CATIP: variants seen among roughly 807,000 people sequenced by gnomAD.
CATIP encodes ciliogenesis associated TTC17 interacting protein.
CATIP carries 40 observed loss-of-function variants against 42.5 expected under a neutral mutation model. That is an observed-to-expected ratio of 0.94 (90% CI 0.73 to 1.22). The LOEUF is 1.22. Among genes scored for constraint, CATIP ranks in the 50% most tolerant of loss-of-function variants. The pLI, the probability that CATIP is intolerant of heterozygous loss-of-function variation, is 0.00. For missense variants in CATIP, 489 were observed against 496.0 expected (o/e 0.99, Z 0.13); for synonymous variants, 222 against 200.2 (o/e 1.11, Z -0.92).
In CATIP at chr2:218,367,736, C is replaced by T. The variant is rs746533136; in HGVS notation, c.936C>T (p.Leu312=). 5.0e-6 allele frequency: 8 copies of T among 1,600,838 alleles called. No homozygotes were observed. The Admixed American group carries it at 1.0e-4, about 20-fold the overall frequency. ...KFLDRKEELR[L]GHASYLRQHP... The stretch of plus-strand genomic sequence containing the variant: ...TCCCCTGCCAGGAGGAGCTCCGGCT[C>T]GGCCACGCCAGCTATCTGCGGCAGC... The change falls in exon 10 of 10, where the codon CTC becomes CTT. Residue 312 remains leucine (L), a synonymous_variant. Transcript: ENST00000289388.
Position 218,367,475 on chromosome 2 carries a change from G to A in CATIP, c.878G>A (p.Trp293Ter). 1 of 1,614,212 alleles carries A rather than the reference G, an allele frequency of 6.2e-7. No individual in the cohort carries two copies. The highest frequency in any genetic ancestry group is 8.5e-7 in the Non-Finnish European group (1 of 1,180,036). Reference protein sequence around the residue: ...RPVFEKKPLVWEEDMELYSKF... With the variant: ...RPVFEKKPLV ...GTGTTTGAGAAGAAGCCCCTGGTAT[G>A]GGAGGAGGATATGGAGCTCTATTCG... Residue 293 changes from tryptophan to a stop codon, truncating the protein, a stop_gained, in exon 9 of 10, where the codon TGG (tryptophan) becomes TAG (stop). Coordinates refer to ENST00000289388, the MANE Select transcript of CATIP (RefSeq NM_198559.2). LOFTEE classifies it low-confidence loss of function (END_TRUNC).
Position 218,362,865 on chromosome 2 carries a change from C to A in CATIP, c.593C>A (p.Thr198Asn). The A allele has an allele frequency of 6.2e-7, 1 of 1,613,900 alleles. No homozygotes were observed. ...RMVPSNARFLTLDTEGKLCYL... is the reference protein window; with the variant it reads ...RMVPSNARFLNLDTEGKLCYL... The stretch of plus-strand genomic sequence containing the variant: ...GTGCCCAGCAATGCCCGCTTCCTGA[C>A]CTTGGACACCGAGGGCAAACTCTGC... Residue 198 changes from threonine to asparagine, a missense_variant, in exon 6 of 10, where the codon ACC becomes AAC. By Grantham distance (65) the Thr-to-Asn change is moderately conservative. Transcript: ENST00000289388.
At chr2:218,361,467 T>C (rs2106312761) in intron 5 of CATIP, among the ~76,000 whole-genome samples, 1 of 152,188 alleles carries the variant, frequency 6.6e-6, no homozygotes, top group South Asian at 2.1e-4. Context: ...ATAAGAGACA[T>C]GCTTTTAAGT....
intron 7 of CATIP, 37 bp from the exon 8 acceptor site, chr2:218,366,987 G>A: frequency 6.5e-7 from 1 of 1,538,412 alleles, no homozygotes; most frequent in Non-Finnish European, 9.0e-7. Flanking sequence ...GGCGGTCTGG[G>A]AAGATTCTCA....
In CATIP at chr2:218,362,019, GA is replaced by G. The variant is rs11380257; in HGVS notation, c.463-704del. 2.2e-3 allele frequency among the ~76,000 whole-genome samples: 328 copies of G among 145,864 alleles called. 4 individuals are homozygous for G. The East Asian group carries it at 0.046, about 21-fold the overall frequency. On this transcript the variant is annotated intron_variant, in intron 5 of 9. Transcript: ENST00000289388. ...GCGAGACCCCGTTCTCCAGAAAAAG[GA>G]AAAAAAAAAAAGACAAGGATTCATT...
chr2:218,361,208 C>T (rs1031364069), intron 5 of CATIP, among the ~76,000 whole-genome samples: 5 of 151,854 alleles, frequency 3.3e-5, no homozygotes, highest in African/African-American at 7.3e-5. Flanking sequence ...GTTCACCAGA[C>T]GTAAAAATAC....
At chr2:218,362,948 G>C (rs1249867051) in intron 6 of CATIP, 46 bp downstream of exon 6, 1 of 1,547,092 alleles carries the variant, frequency 6.5e-7, no homozygotes, top group South Asian at 1.2e-5. Context: ...GAGCGAACTA[G>C]AAAAGGCGTG....
chr2:218,357,359 C>A, intron 2 of CATIP, 172 bp downstream of exon 2: 1 of 709,122 alleles, frequency 1.4e-6, no homozygotes. Context: ...GGGAAGGCCC[C>A]CCGGGGACAT....
In CATIP at chr2:218,362,999, G is replaced by T. The variant is rs1425806627; in HGVS notation, c.630+97G>T. On this transcript the variant is annotated intron_variant, in intron 6 of 9. Coordinates refer to ENST00000289388, the MANE Select transcript of CATIP (RefSeq NM_198559.2). Reference sequence around the variant, plus strand: ...GGGAACAGCTGTGGAGTAGAAAAGGGAGGCAGGTGGGGAGAAAACAGCACA... The same window carrying T: ...GGGAACAGCTGTGGAGTAGAAAAGGTAGGCAGGTGGGGAGAAAACAGCACA... The T allele has an allele frequency of 9.5e-6, 12 of 1,260,060 alleles. No individual in the cohort carries two copies. The East Asian group carries it at 1.3e-4, about 13-fold the overall frequency. The allele number at this position is 1,260,060 out of a possible 1,614,324, so 78.1% of individuals were successfully genotyped here.
chr2:218,362,927 A>T, intron 6 of CATIP, 25 bp downstream of exon 6: 2 of 1,594,730 alleles, frequency 1.3e-6, no homozygotes, highest in Non-Finnish European at 1.7e-6. Context: ...TGGGCAGGGG[A>T]CTTGGCTTGG....
chr2:218,362,672 C>G, intron 5 of CATIP, 63 bp from the exon 6 acceptor site: 1 of 1,515,410 alleles, frequency 6.6e-7, no homozygotes. Context: ...CCTGGCTTGC[C>G]CACCCTCCTG....
At chr2:218,363,856 G>T (rs1012441394) in intron 6 of CATIP, among the ~76,000 whole-genome samples, 1 of 152,132 alleles carries the variant, frequency 6.6e-6, no homozygotes. Flanking sequence ...TTTAGGAAGT[G>T]TAACATGTCC....
chr2:218,362,932 G>C (rs1227063573), intron 6 of CATIP, 30 bp downstream of exon 6: 10 of 1,587,860 alleles, frequency 6.3e-6, no homozygotes, highest in Non-Finnish European at 7.7e-6. Context: ...AGGGGACTTG[G>C]CTTGGGAGCG....
rs756649021 is a variant in CATIP, at chr2:218,367,929, G to C, written c.1129G>C (p.Glu377Gln). 5 of 1,605,602 alleles carry C rather than the reference G, an allele frequency of 3.1e-6. No individual in the cohort carries two copies. Among genetic ancestry groups the C allele is most frequent in the Non-Finnish European group, 2.5e-6 (3 of 1,177,878 alleles). Residue 377 changes from glutamate to glutamine, a missense_variant, in exon 10 of 10, where the codon GAG becomes CAG. By Grantham distance (29) the Glu-to-Gln change is conservative. Coordinates refer to ENST00000289388, the MANE Select transcript of CATIP (RefSeq NM_198559.2). Reference protein sequence around the residue: ...SHRPNPFRSLEPEGDARSGAA With the variant: ...SHRPNPFRSLQPEGDARSGAA Reference sequence around the variant, plus strand: ...CCGGCCCAACCCTTTCCGCTCCCTGGAGCCGGAGGGAGACGCCCGCTCGGG... The same window carrying C: ...CCGGCCCAACCCTTTCCGCTCCCTGCAGCCGGAGGGAGACGCCCGCTCGGG...
chr2:218,360,310 C>A (rs1695189378), intron 4 of CATIP, among the ~76,000 whole-genome samples: 2 of 152,048 alleles, frequency 1.3e-5, no homozygotes, highest in South Asian at 2.1e-4. Context: ...TGCCACCACA[C>A]CCAGCTAATT....
At chr2:218,367,161 C>A (rs1199166686) in intron 8 of CATIP, 61 bp downstream of exon 8, 3 of 1,328,418 alleles carry the variant, frequency 2.3e-6, no homozygotes, top group South Asian at 1.2e-5. Flanking sequence ...GAAACCTGGG[C>A]CTTCCAGGAT....
intron 6 of CATIP, among the ~76,000 whole-genome samples, chr2:218,364,367 C>A (rs141416862): frequency 2.6e-5 from 4 of 152,044 alleles, no homozygotes; most frequent in Non-Finnish European, 4.4e-5. Flanking sequence ...CACACCCCCC[C>A]GCATACCGCT....
intron 5 of CATIP, 144 bp from the exon 6 acceptor site, chr2:218,362,591 C>T (rs1695273944): frequency 1.5e-6 from 1 of 688,816 alleles, no homozygotes; most frequent in Non-Finnish European, 2.4e-6. Context: ...GAGACCACGC[C>T]ATTGCACTCC....
At chr2:218,365,860 G>C (rs1258050448) in intron 7 of CATIP, 1 of 151,758 alleles carries the variant, frequency 6.6e-6, no homozygotes, top group African/African-American at 2.4e-5. Context: ...CTGTCACCTA[G>C]ACTGGAATGT....
Sources: allele counts gnomAD v4.1 joint callset (sites outside exome capture counted in the v4.1 genomes callset), GRCh38; gene constraint gnomAD v4.1.1; transcripts MANE v1.5; gene names NCBI Gene and HGNC (gene_info 2026-07-23, HGNC 2026-07-21).